The following MAP3K1 variants were observed in gnomAD, a reference collection of about 807,000 sequenced individuals.
The protein encoded by MAP3K1 is MAP/ERK kinase kinase 1.
MAP3K1 carries 36 observed loss-of-function variants against 144.2 expected under a neutral mutation model. The ratio of observed to expected loss-of-function variants is 0.25; its 90% CI spans 0.19 to 0.33. The LOEUF (loss-of-function observed/expected upper bound fraction) is 0.33, where lower values mean the gene tolerates loss of function less well. Among genes scored for constraint, MAP3K1 ranks in the 10% least tolerant of loss-of-function variants. The pLI is 1.00. For missense variants in MAP3K1, 1,650 were observed against 1,881.9 expected, an observed-to-expected ratio of 0.88 and a Z score of 2.28; for synonymous variants, 718 against 688.7, an observed-to-expected ratio of 1.04 and a Z score of -0.67.
At chr5:56,875,999 T>G (rs1748014844) in intron 10 of MAP3K1, among the ~76,000 whole-genome samples, 1 of 152,158 alleles carries the variant, frequency 6.6e-6, no homozygotes, top group South Asian at 2.1e-4. Flanking sequence ...TTCCATGACA[T>G]AGATCATTGA....
chr5:56,870,281 TGATA>T (rs1431539018), intron 6 of MAP3K1, among the ~76,000 whole-genome samples: 3 of 152,204 alleles, frequency 2.0e-5, no homozygotes, highest in Non-Finnish European at 2.9e-5. Flanking sequence ...AAAAGTGTAA[TGATA>T]GATCTGCCAC....
chr5:56,864,728 G>T lies in MAP3K1; in HGVS notation c.835-6G>T. The T allele has an allele frequency of 6.2e-7, 1 of 1,613,796 alleles. No individual in the cohort carries two copies. The highest frequency in any genetic ancestry group is 8.5e-7 in the Non-Finnish European group (1 of 1,179,790). On this transcript the variant is annotated splice_polypyrimidine_tract_variant and splice_region_variant and intron_variant, in intron 3 of 19. Transcript: ENST00000399503. ...AACGTACCTAATAAAAAAAAATGTT[G>T]TGAAGTTTCAGAGTGGCAGAATCAC...
chr5:56,825,919 G>T (rs927187867), intron 1 of MAP3K1, among the ~76,000 whole-genome samples: 1 of 150,908 alleles, frequency 6.6e-6, no homozygotes, highest in Non-Finnish European at 1.5e-5. Flanking sequence ...GTCTGCTCCC[G>T]TCATTTCAGC....
In MAP3K1 at chr5:56,886,184, A is replaced by G. The variant is rs1027800673; in HGVS notation, c.4114+121A>G. The G allele has an allele frequency of 5.2e-6, 4 of 769,772 alleles. No individual in the cohort carries two copies. In the African/African-American group the frequency reaches 5.3e-5, roughly 10 times the overall value. 47.7% of individuals were successfully genotyped at this position (769,772 alleles called of 1,614,324 possible). A position where few individuals can be genotyped will look rare whatever the true frequency, so the allele number is the denominator to read the frequency against. On this transcript the variant is annotated intron_variant, in intron 17 of 19. Transcript: ENST00000399503. ...TTTGGGAGGTGAAGGCAGGTGGATC[A>G]CTTGAGGTCAGGAGCTCGAGACCAG...
intron 1 of MAP3K1, among the ~76,000 whole-genome samples, chr5:56,845,785 A>G (rs1746975297): frequency 6.6e-6 from 1 of 152,232 alleles, no homozygotes; most frequent in Non-Finnish European, 1.5e-5. Context: ...GAAAGAATAA[A>G]CAGTGGAATT....
At chr5:56,870,714 CT>C (rs1418614127) in intron 6 of MAP3K1, among the ~76,000 whole-genome samples, 1 of 152,084 alleles carries the variant, frequency 6.6e-6, no homozygotes, top group Non-Finnish European at 1.5e-5. Flanking sequence ...AAATTACATA[CT>C]TTTTTCTTTT....
rs918712593 is a variant in MAP3K1, at chr5:56,882,398, C to A, written c.3198C>A (p.Thr1066=). Residue 1066 remains threonine (T), a synonymous_variant, in exon 14 of 20, where the codon ACC becomes ACA. Transcript: ENST00000399503. ...NIHRPKPSRP[T]PGNTSKQGDP... ...ACAGGCCAAAGCCATCTAGACCTAC[C>A]CCAGGTAATACAAGTAAACAGGGAG... 6.2e-7 allele frequency: 1 copy of A among 1,613,940 alleles called. No homozygotes were observed. Among genetic ancestry groups the A allele is most frequent in the Non-Finnish European group, 8.5e-7 (1 of 1,179,926 alleles).
intron 1 of MAP3K1, among the ~76,000 whole-genome samples, chr5:56,831,333 A>C (rs933648771): frequency 6.6e-5 from 10 of 151,996 alleles, no homozygotes; most frequent in Admixed American, 2.6e-4. Flanking sequence ...AATGGGAGGG[A>C]GAGCAGGGGG....
chr5:56,889,508 C>A (rs1000413312), intron 19 of MAP3K1, among the ~76,000 whole-genome samples: 1 of 152,138 alleles, frequency 6.6e-6, no homozygotes, highest in African/African-American at 2.4e-5. Flanking sequence ...CAAGTCAGTT[C>A]AGTCCTGTCT....
chr5:56,832,759 CAT>C (rs1183877731), intron 1 of MAP3K1, among the ~76,000 whole-genome samples: 1 of 152,188 alleles, frequency 6.6e-6, no homozygotes, highest in African/African-American at 2.4e-5. Context: ...TCATTCTTCA[CAT>C]AGTGTATTAT....
rs898364150 is a variant in MAP3K1, at chr5:56,815,908, C to A, written c.335C>A (p.Pro112Gln). The A allele has an allele frequency of 1.5e-6, 2 of 1,295,144 alleles. No homozygotes were observed. The highest frequency in any genetic ancestry group is 3.2e-5 in the East Asian group (1 of 30,870). 80.2% of individuals were successfully genotyped at this position (1,295,144 alleles called of 1,614,324 possible). ...GGCTTCCAGCCTGTGGCGGTGCCGC[C>A]GCCCCACGGAGCCGCGAGCCGCGGC... ...GTGFQPVAVP[P>Q]PHGAASRGGA... Residue 112 changes from proline to glutamine, a missense_variant, in exon 1 of 20, where the codon CCG becomes CAG. Pro to Gln is a moderately conservative substitution (Grantham distance 76). Transcript: ENST00000399503.
chr5:56,843,076 T>C (rs553754582), intron 1 of MAP3K1, among the ~76,000 whole-genome samples: 31 of 152,298 alleles, frequency 2.0e-4, no homozygotes, highest in African/African-American at 6.7e-4. Context: ...ATGCAACACG[T>C]TTCCTCATGT....
rs1561208630 is a variant in MAP3K1, at chr5:56,894,935, T to C, written c.*1255T>C. ...TAACGGTTTTAGTCTGGAGTTAAAT[T>C]CAGATGCATGGAATCCTGAAGGAAA... is the stretch of plus-strand genomic sequence containing the variant. On this transcript the variant is annotated 3_prime_UTR_variant, in exon 20 of 20. Coordinates refer to ENST00000399503, the MANE Select transcript of MAP3K1 (RefSeq NM_005921.2). 8.6e-6 allele frequency: 2 copies of C among 232,116 alleles called. No individual in the cohort carries two copies. The highest frequency in any genetic ancestry group is 1.7e-5 in the Non-Finnish European group (2 of 117,340). The allele number at this position is 232,116 out of a possible 1,614,324, so 14.4% of individuals were successfully genotyped here. A position where few individuals can be genotyped will look rare whatever the true frequency, so the allele number is the denominator to read the frequency against.
chr5:56,866,033 G>A, intron 6 of MAP3K1, 56 bp downstream of exon 6: 2 of 1,379,220 alleles, frequency 1.5e-6, no homozygotes, highest in Non-Finnish European at 2.1e-6. Context: ...TAATTTTAGG[G>A]GTAATTTTTT....
intron 1 of MAP3K1, among the ~76,000 whole-genome samples, chr5:56,817,657 A>C (rs1746020032): frequency 6.6e-6 from 1 of 152,238 alleles, no homozygotes; most frequent in African/African-American, 2.4e-5. Context: ...ATTAAAACTT[A>C]ACTGGAATAA....
chr5:56,857,949 G>A (rs832568), intron 2 of MAP3K1, among the ~76,000 whole-genome samples: 117,700 of 152,116 alleles, frequency 0.77, 45,884 homozygotes, highest in Non-Finnish European at 0.82. Context: ...TTATGGGCCC[G>A]TGAGTCCTTG....
chr5:56,871,141 G>C (rs1747837808), intron 6 of MAP3K1, among the ~76,000 whole-genome samples: 1 of 151,900 alleles, frequency 6.6e-6, no homozygotes, highest in Non-Finnish European at 1.5e-5. Flanking sequence ...CCATTATGTT[G>C]CGATTTTGCC....
In MAP3K1 at chr5:56,874,976, GCT is replaced by G. The variant is rs1388045605; in HGVS notation, c.1687-53_1687-52del. 4 of 1,575,222 alleles carry G rather than the reference GCT, an allele frequency of 2.5e-6. No individual in the cohort carries two copies. The Admixed American group carries it at 6.7e-5, about 26-fold the overall frequency. On this transcript the variant is annotated intron_variant, in intron 9 of 19. Transcript: ENST00000399503. ...TCAAAAATGATGCTAAACTCAAAAT[GCT>G]CTGGGTCCATAAGCTTTTCTTTACA...
chr5:56,826,648 A>G (rs1746324424), intron 1 of MAP3K1, among the ~76,000 whole-genome samples: 1 of 152,250 alleles, frequency 6.6e-6, no homozygotes, highest in East Asian at 1.9e-4. Context: ...ACCTCCACAG[A>G]CAGGGTCCCA....
Sources: gnomAD v4.1 joint callset for allele counts (sites outside exome capture counted in the v4.1 genomes callset) on GRCh38, gnomAD v4.1.1 for gene constraint, MANE v1.5 for transcripts, NCBI Gene and HGNC (gene_info 2026-07-23, HGNC 2026-07-21) for gene names.